TCF12: variants seen among roughly 807,000 people sequenced by gnomAD.
The protein encoded by TCF12 is DNA-binding protein HTF4.
Under a neutral mutation model 86.0 loss-of-function variants are expected in TCF12, and 45 were observed. That is an observed-to-expected ratio of 0.52 (90% CI 0.41 to 0.67). The LOEUF is 0.67. TCF12 is among the 30% of genes least tolerant of loss of function. TCF12 has a pLI of 0.00. For synonymous variants in TCF12, 330 were observed against 299.6 expected (o/e 1.10, Z -1.05); for missense variants, 881 against 859.9 (o/e 1.02, Z -0.31).
At chr15:57,016,908 G>T (rs1363005620) in intron 3 of TCF12, among the ~76,000 whole-genome samples, 3 of 152,150 alleles carry the variant, frequency 2.0e-5, no homozygotes, top group African/African-American at 7.2e-5. Context: ...ATAGATCTGG[G>T]CTTCCTAAAC....
rs1213328160 is a variant in TCF12, at chr15:57,289,043, A to G, written c.*2898A>G. On this transcript the variant is annotated 3_prime_UTR_variant, in exon 21 of 21. Coordinates refer to ENST00000333725, the MANE Select transcript of TCF12 (RefSeq NM_207037.2). ...TATCCATGAGGACTTCATGCCAAGCAAGAACCTCAAACAAACTAGACAAAC... is the reference window on the plus strand; with the variant it reads ...TATCCATGAGGACTTCATGCCAAGCGAGAACCTCAAACAAACTAGACAAAC... The G allele has an allele frequency of 6.6e-6, 1 of 152,234 alleles. No individual in the cohort carries two copies. Among genetic ancestry groups the G allele is most frequent in the African/African-American group, 2.4e-5 (1 of 41,458 alleles). The allele number at this position is 152,234 out of a possible 1,614,324, so 9.4% of individuals were successfully genotyped here.
intron 5 of TCF12, among the ~76,000 whole-genome samples, chr15:57,117,168 G>A (rs1428154680): frequency 1.3e-5 from 2 of 151,332 alleles, no homozygotes; most frequent in East Asian, 1.9e-4. Flanking sequence ...GCCTCCCAAG[G>A]AGCTGTGACT....
chr15:57,075,590 A>G (rs1033187078), intron 4 of TCF12, among the ~76,000 whole-genome samples: 3 of 152,118 alleles, frequency 2.0e-5, no homozygotes, highest in Non-Finnish European at 4.4e-5. Flanking sequence ...AAAGTCCAGA[A>G]ATAGAAGGAA....
chr15:56,958,678 AGTGTGT>A (rs55707134), intron 3 of TCF12, among the ~76,000 whole-genome samples: 23,364 of 142,248 alleles, frequency 0.16, 2,171 homozygotes, highest in Non-Finnish European at 0.21. Context: ...AGAGAGAGAG[AGTGTGT>A]GTGTGTGTGT....
chr15:56,942,858 A>G (rs938889505), intron 3 of TCF12, among the ~76,000 whole-genome samples: 2 of 152,178 alleles, frequency 1.3e-5, no homozygotes, highest in South Asian at 2.1e-4. Context: ...GAAGTGCTTT[A>G]TATCTATTTG....
intron 3 of TCF12, among the ~76,000 whole-genome samples, chr15:57,061,380 G>T (rs2068446999): frequency 6.6e-6 from 1 of 152,054 alleles, no homozygotes; most frequent in Non-Finnish European, 1.5e-5. Context: ...ATCGCTGGAG[G>T]CCAGGAGTTC....
chr15:57,176,597 G>A (rs1425329432), intron 6 of TCF12, among the ~76,000 whole-genome samples: 1 of 152,160 alleles, frequency 6.6e-6, no homozygotes, highest in Non-Finnish European at 1.5e-5. Flanking sequence ...CCATTTGATA[G>A]CTGAGGAACC....
At chr15:57,180,432 G>A (rs1343495352) in intron 6 of TCF12, among the ~76,000 whole-genome samples, 1 of 152,086 alleles carries the variant, frequency 6.6e-6, no homozygotes, top group Non-Finnish European at 1.5e-5. Flanking sequence ...ATCCCTCAGT[G>A]ACAAAAGAAA....
Position 57,166,407 on chromosome 15 carries a change from A to T in TCF12, c.331A>T (p.Thr111Ser). 1 of 1,611,820 alleles carries T rather than the reference A, an allele frequency of 6.2e-7. No homozygotes were observed. The highest frequency in any genetic ancestry group is 8.5e-7 in the Non-Finnish European group (1 of 1,179,156). ...PFMNSNLMGK[T>S]SERGSFSLYS... ...TTAATTTCTTTGTTTTATAGGAAAA[A>T]CATCAGAGAGAGGCTCATTTTCCCT... is the stretch of plus-strand genomic sequence containing the variant. Residue 111 changes from threonine to serine, a missense_variant, in exon 6 of 21, where the codon ACA (threonine) becomes TCA (serine). By Grantham distance (58) the Thr-to-Ser change is moderately conservative (BLOSUM62 1). This residue lies in a region of TCF12 where 766 missense variants were observed against 718.9 expected (regional missense o/e 1.07). Transcript: ENST00000333725.
intron 5 of TCF12, among the ~76,000 whole-genome samples, chr15:57,116,659 A>T (rs763105800): frequency 3.3e-5 from 5 of 152,120 alleles, no homozygotes; most frequent in Non-Finnish European, 7.3e-5. Context: ...AAATATTATT[A>T]TGTAGTATTT....
intron 6 of TCF12, among the ~76,000 whole-genome samples, chr15:57,169,376 G>C (rs570122135): frequency 1.3e-5 from 2 of 152,094 alleles, no homozygotes; most frequent in Non-Finnish European, 2.9e-5. Context: ...TACAGTAGAA[G>C]GTCAGTAAAT....
At chr15:57,112,404 A>G (rs954223568) in intron 5 of TCF12, among the ~76,000 whole-genome samples, 5 of 152,170 alleles carry the variant, frequency 3.3e-5, no homozygotes, top group Admixed American at 6.5e-5. Flanking sequence ...TGGAGGAAGG[A>G]ACACTACTCT....
At chr15:57,024,579 T>G (rs2065706130) in intron 3 of TCF12, among the ~76,000 whole-genome samples, 1 of 152,202 alleles carries the variant, frequency 6.6e-6, no homozygotes, top group South Asian at 2.1e-4. Context: ...AGTAACATAG[T>G]AAGACTGGAA....
At chr15:57,140,114 T>C (rs1248685925) in intron 5 of TCF12, among the ~76,000 whole-genome samples, 1 of 152,184 alleles carries the variant, frequency 6.6e-6, no homozygotes, top group Admixed American at 6.6e-5. Context: ...TATGTTCATA[T>C]CAGCATTATT....
At chr15:57,279,600 G>C (rs1038007287) in intron 19 of TCF12, among the ~76,000 whole-genome samples, 6 of 152,126 alleles carry the variant, frequency 3.9e-5, no homozygotes, top group Non-Finnish European at 7.3e-5. Flanking sequence ...CTTCCTGCCA[G>C]AAGTGTTCTT....
At chr15:57,270,908 A>C (rs999972505) in intron 18 of TCF12, among the ~76,000 whole-genome samples, 2 of 152,136 alleles carry the variant, frequency 1.3e-5, no homozygotes, top group Non-Finnish European at 2.9e-5. Context: ...GCAGAACAGC[A>C]AATATTGCTG....
chr15:57,156,219 A>G (rs2054099689), intron 5 of TCF12, among the ~76,000 whole-genome samples: 1 of 152,218 alleles, frequency 6.6e-6, no homozygotes, highest in African/African-American at 2.4e-5. Flanking sequence ...CAGTGTCCAA[A>G]TTAATGTTCC....
At chr15:57,121,108 G>T (rs1210381956) in intron 5 of TCF12, among the ~76,000 whole-genome samples, 2 of 152,170 alleles carry the variant, frequency 1.3e-5, no homozygotes, top group African/African-American at 2.4e-5. Flanking sequence ...TAGCATTTTG[G>T]CATGATCTGG....
At chr15:57,170,670 T>TATATAATATATA (rs2055290872) in intron 6 of TCF12, among the ~76,000 whole-genome samples, 1 of 12,110 alleles carries the variant, frequency 8.3e-5, no homozygotes, top group African/African-American at 4.1e-4. Flanking sequence ...AATATATATA[T>TATATAATATATA]ATATAATATA....
Sources: allele counts gnomAD v4.1 joint callset (sites outside exome capture counted in the v4.1 genomes callset), GRCh38; gene constraint gnomAD v4.1.1; regional missense constraint gnomAD v4.1.1; transcripts MANE v1.5; gene names NCBI Gene and HGNC (gene_info 2026-07-23, HGNC 2026-07-21).